IFT140: variants seen among roughly 807,000 people sequenced by gnomAD.
IFT140 encodes the protein intraflagellar transport 140, also known as intraflagellar transport protein 140 homolog.
In IFT140, 133 loss-of-function variants were observed where a neutral mutation model predicts 164.6. That is an observed-to-expected ratio of 0.81 (90% CI 0.70 to 0.93). IFT140 has a LOEUF of 0.93. Ranked by LOEUF, IFT140 falls within the 40% of genes least tolerant of loss-of-function variation. The pLI, the probability that IFT140 is intolerant of heterozygous loss-of-function variation, is 0.00. For synonymous variants in IFT140, 860 were observed against 817.3 expected, an observed-to-expected ratio of 1.05 and a Z score of -0.89; for missense variants, 2,045 against 1,972.3, an observed-to-expected ratio of 1.04 and a Z score of -0.70.
rs575017374 is a variant in IFT140, at chr16:1,512,058, C to T, written c.4183-908G>A. On this transcript the variant is annotated intron_variant, in intron 30 of 30. Coordinates refer to ENST00000426508, the MANE Select transcript of IFT140 (RefSeq NM_014714.4). ...ACTGCTCTGTGTGCAGAGCTAGCTTCGGAGAGGGCAATCAAGTGGTTTCCA... is the reference window on the plus strand; with the variant it reads ...ACTGCTCTGTGTGCAGAGCTAGCTTTGGAGAGGGCAATCAAGTGGTTTCCA... Among the ~76,000 whole-genome samples, 198 of 144,978 alleles carry T rather than the reference C, an allele frequency of 1.4e-3. No homozygotes were observed. The Middle Eastern group carries it at 0.017, about 13-fold the overall frequency.
At chr16:1,516,667 G>GA (rs1410171821) in intron 30 of IFT140, among the ~76,000 whole-genome samples, 1 of 151,616 alleles carries the variant, frequency 6.6e-6, no homozygotes, top group African/African-American at 2.4e-5. Flanking sequence ...CTACTCGGGA[G>GA]GCTGAGGTAG....
At chr16:1,535,600 C>A (rs1297021989) in intron 19 of IFT140, among the ~76,000 whole-genome samples, 1 of 152,186 alleles carries the variant, frequency 6.6e-6, no homozygotes, top group East Asian at 1.9e-4. Context: ...TGTGCCTCAA[C>A]CACACAGCTC....
In IFT140 at chr16:1,526,230, C is replaced by G; in HGVS notation, c.2578-153G>C. The G allele has an allele frequency of 1.1e-5, 8 of 722,280 alleles. 1 individual carries two copies. The South Asian group carries it at 1.5e-4, about 13-fold the overall frequency. The allele number at this position is 722,280 out of a possible 1,614,324, so 44.7% of individuals were successfully genotyped here. Reference sequence around the variant, plus strand: ...CTGTGGGCACAGCAAACGCCACACACCCACGGGGCATCCCCGTCCCACGGC... The same window carrying G: ...CTGTGGGCACAGCAAACGCCACACAGCCACGGGGCATCCCCGTCCCACGGC... On this transcript the variant is annotated intron_variant, in intron 20 of 30. Transcript: ENST00000426508.
At chr16:1,581,756 G>A (rs1404964109) in intron 12 of IFT140, among the ~76,000 whole-genome samples, 3 of 96,576 alleles carry the variant, frequency 3.1e-5, no homozygotes, top group Non-Finnish European at 6.4e-5. Context: ...GGAGGGGAGC[G>A]GGGGGTGGGG....
intron 19 of IFT140, among the ~76,000 whole-genome samples, chr16:1,549,058 G>T (rs959691553): frequency 6.6e-6 from 1 of 152,204 alleles, no homozygotes; most frequent in Non-Finnish European, 1.5e-5. Flanking sequence ...GTGCTAGGAC[G>T]AGGGCAACGT....
At chr16:1,604,311 G>GTGTA (rs1485312756) in intron 3 of IFT140, 1 of 134,382 alleles carries the variant, frequency 7.4e-6, no homozygotes, top group African/African-American at 3.2e-5. Flanking sequence ...GTGTGTGTGT[G>GTGTA]TGTGTGGAGG....
In IFT140 at chr16:1,566,295, GGAGAA is replaced by G; in HGVS notation, c.1771-9_1771-5del. Reference sequence around the variant, plus strand: ...TGGAATCAGGGCTGTTGTCAGCCTAGGAGAAGAGAAAACCAGAAAGCTCACGGAGC... The same window carrying G: ...TGGAATCAGGGCTGTTGTCAGCCTAGGAGAAAACCAGAAAGCTCACGGAGC... On this transcript the variant is annotated splice_polypyrimidine_tract_variant and splice_region_variant and intron_variant, in intron 15 of 30. Coordinates refer to ENST00000426508, the MANE Select transcript of IFT140 (RefSeq NM_014714.4). 6.2e-7 allele frequency: 1 copy of G among 1,613,008 alleles called. No homozygotes were observed. Among genetic ancestry groups the G allele is most frequent in the Non-Finnish European group, 8.5e-7 (1 of 1,179,232 alleles).
At chr16:1,537,243 C>T (rs891919683) in intron 19 of IFT140, among the ~76,000 whole-genome samples, 4 of 151,800 alleles carry the variant, frequency 2.6e-5, no homozygotes, top group Non-Finnish European at 5.9e-5. Context: ...AAGACAACGC[C>T]ACACCGCGTG....
intron 4 of IFT140, among the ~76,000 whole-genome samples, chr16:1,601,124 C>T (rs1158215813): frequency 6.6e-6 from 1 of 151,924 alleles, no homozygotes; most frequent in Non-Finnish European, 1.5e-5. Context: ...ATTAGCTGGG[C>T]ATGGTGGTGC....
chr16:1,561,958 AC>A (rs747029245), intron 18 of IFT140, 26 bp downstream of exon 18: 82 of 1,562,302 alleles, frequency 5.2e-5, no homozygotes, highest in Non-Finnish European at 6.4e-5. Flanking sequence ...ATCAGAAGAC[AC>A]CTGTGCGGAT....
intron 4 of IFT140, among the ~76,000 whole-genome samples, chr16:1,597,966 T>C (rs1479914758): frequency 1.3e-5 from 2 of 152,176 alleles, no homozygotes; most frequent in Non-Finnish European, 2.9e-5. Context: ...CAAAAGTCAA[T>C]GATCCTGAGT....
intron 6 of IFT140, among the ~76,000 whole-genome samples, 191 bp from the exon 7 acceptor site, chr16:1,589,971 T>C (rs972390307): frequency 3.9e-5 from 6 of 152,092 alleles, no homozygotes; most frequent in Non-Finnish European, 8.8e-5. Flanking sequence ...CCGAGGCTGG[T>C]AGATCACCTG....
chr16:1,558,515 G>A (rs560560114), intron 18 of IFT140, among the ~76,000 whole-genome samples: 4 of 152,364 alleles, frequency 2.6e-5, no homozygotes, highest in African/African-American at 9.6e-5. Flanking sequence ...GTGAGGCCCC[G>A]CATGGCACAG....
chr16:1,600,721 C>T (rs993979555), intron 4 of IFT140, among the ~76,000 whole-genome samples: 2 of 152,084 alleles, frequency 1.3e-5, no homozygotes, highest in Non-Finnish European at 2.9e-5. Flanking sequence ...TATAGGATGC[C>T]ACCACTGATG....
chr16:1,588,402 G>A (rs970829339), intron 7 of IFT140, among the ~76,000 whole-genome samples: 4 of 152,048 alleles, frequency 2.6e-5, no homozygotes. Flanking sequence ...GCAGGCGCCT[G>A]TAGTCTCAGC....
At chr16:1,598,635 G>C (rs1452813383) in intron 4 of IFT140, among the ~76,000 whole-genome samples, 1 of 152,250 alleles carries the variant, frequency 6.6e-6, no homozygotes, top group Non-Finnish European at 1.5e-5. Flanking sequence ...ACTCTCTAGG[G>C]AGAGAGGCTG....
chr16:1,561,669 G>A (rs1596367934), intron 18 of IFT140, among the ~76,000 whole-genome samples: 2 of 152,348 alleles, frequency 1.3e-5, no homozygotes, highest in African/African-American at 4.8e-5. Context: ...CAGCATTCGG[G>A]GAAAAGGCAA....
At chr16:1,544,860 G>C (rs1461827969) in intron 19 of IFT140, among the ~76,000 whole-genome samples, 3 of 151,816 alleles carry the variant, frequency 2.0e-5, no homozygotes, top group Non-Finnish European at 4.4e-5. Flanking sequence ...GTGTTAGCCA[G>C]GATGGTCTCG....
rs1290979390 is a variant in IFT140 at position 1,586,062 on chromosome 16, C to T, written c.1155+68G>A. ...CTGGGATTACAGGCGTGAGCCACCG[C>T]GCCCGGCCATGGTCTCCACTTTCAT... On this transcript the variant is annotated intron_variant, in intron 10 of 30. Transcript: ENST00000426508. The T allele has an allele frequency of 1.9e-5, 30 of 1,589,914 alleles. No homozygotes were observed. The Admixed American group carries it at 2.3e-4, about 12-fold the overall frequency.
Sources: gnomAD v4.1 joint callset for allele counts (sites outside exome capture counted in the v4.1 genomes callset) on GRCh38, gnomAD v4.1.1 for gene constraint, MANE v1.5 for transcripts, NCBI Gene and HGNC (gene_info 2026-07-23, HGNC 2026-07-21) for gene names.